Variants in SNX5 observed in about 807,000 individuals in gnomAD.
The protein encoded by SNX5 is sorting nexin-5.
SNX5 carries 31 observed loss-of-function variants against 53.9 expected under a neutral mutation model. That is an observed-to-expected ratio of 0.58 (90% confidence interval 0.43 to 0.78). SNX5 has a LOEUF of 0.78. Ranked by LOEUF, SNX5 falls within the 30% of genes least tolerant of loss-of-function variation. SNX5 has a pLI of 0.00. For missense variants in SNX5, 471 were observed against 478.8 expected (o/e 0.98, Z 0.15); for synonymous variants, 168 against 171.1 (o/e 0.98, Z 0.14).
intron 1 of SNX5, among the ~76,000 whole-genome samples, chr20:17,967,353 A>G (rs1159407447): frequency 3.3e-5 from 5 of 151,472 alleles, no homozygotes; most frequent in Non-Finnish European, 1.5e-5. Flanking sequence ...CAAAAAAAAA[A>G]CCACTCTAAA....
intron 1 of SNX5, chr20:17,962,039 G>T (rs868686327): frequency 1.1e-6 from 1 of 947,686 alleles, no homozygotes; most frequent in Middle Eastern, 5.4e-4. Flanking sequence ...GAACTCTCAG[G>T]AAACAATGTT....
intron 11 of SNX5, among the ~76,000 whole-genome samples, chr20:17,946,076 G>C (rs1298094421): frequency 6.6e-6 from 1 of 152,126 alleles, no homozygotes; most frequent in East Asian, 1.9e-4. Context: ...AATCCTCTTA[G>C]GTAAGGACTA....
chr20:17,948,894 G>A lies in SNX5; in HGVS notation c.914C>T (p.Ala305Val). The A allele has an allele frequency of 1.9e-6, 3 of 1,611,574 alleles. No individual in the cohort carries two copies. Among genetic ancestry groups the A allele is most frequent in the Non-Finnish European group, 2.5e-6 (3 of 1,179,442 alleles). ...GCTGAGCAACTCTCTTCCTACCTTA[G>A]CAGCTTCAATGTTGAGCATGTAGTA... is the stretch of plus-strand genomic sequence containing the variant. ...LRYYMLNIEA[A>V]KDLLYRRTKA... Residue 305 changes from alanine to valine, a missense_variant, in exon 10 of 13, where the codon GCT becomes GTT. Physicochemically the swap from Ala to Val is moderately conservative, Grantham distance 64. Transcript: ENST00000377759.
chr20:17,956,697 A>AAAAAAAC (rs2035365684), intron 2 of SNX5, among the ~76,000 whole-genome samples: 6 of 126,552 alleles, frequency 4.7e-5, no homozygotes, highest in African/African-American at 1.4e-4. Context: ...AAAAAAAAAA[A>AAAAAAAC]AAAAAAACAA....
rs2122459034 is a variant in SNX5, at chr20:17,968,690, T to C, written c.-265A>G. 1 of 561,464 alleles carries C rather than the reference T, an allele frequency of 1.8e-6. No homozygotes were observed. The highest frequency in any genetic ancestry group is 2.7e-5 in the Admixed American group (1 of 36,742). The allele number at this position is 561,464 out of a possible 1,614,324, so 34.8% of individuals were successfully genotyped here. On this transcript the variant is annotated 5_prime_UTR_variant, in exon 1 of 13. Transcript: ENST00000377759. ...CTTGGAGCCGGGCAAAGACGCCACG[T>C]GGGGCCTACCCTTGCTCCGCTCCAC...
intron 11 of SNX5, among the ~76,000 whole-genome samples, chr20:17,946,392 A>G (rs2039488176): frequency 6.6e-6 from 1 of 152,248 alleles, no homozygotes; most frequent in Admixed American, 6.5e-5. Flanking sequence ...AGCAGAGAGT[A>G]AGATTAGCAT....
At chr20:17,957,763 T>C (rs546697671) in intron 1 of SNX5, among the ~76,000 whole-genome samples, 1 of 152,194 alleles carries the variant, frequency 6.6e-6, no homozygotes, top group East Asian at 1.9e-4. Context: ...AGAACAGTCA[T>C]GTGGAATAGG....
chr20:17,946,160 G>T (rs182555798), intron 11 of SNX5, among the ~76,000 whole-genome samples: 8 of 152,338 alleles, frequency 5.3e-5, no homozygotes, highest in African/African-American at 1.9e-4. Context: ...AGGCAAGAAA[G>T]AACCCTATGG....
At chr20:17,965,007 C>A (rs1568598855) in intron 1 of SNX5, among the ~76,000 whole-genome samples, 1 of 152,194 alleles carries the variant, frequency 6.6e-6, no homozygotes, top group African/African-American at 2.4e-5. Flanking sequence ...AAGCTTTATT[C>A]TCACAAAGAT....
intron 1 of SNX5, chr20:17,961,288 G>C: frequency 1.0e-6 from 1 of 985,338 alleles, no homozygotes; most frequent in Non-Finnish European, 1.2e-6. Context: ...CTCTTCAAAA[G>C]GTTTAATGGC....
chr20:17,955,425 A>G lies in SNX5; in HGVS notation c.207T>C (p.His69=), dbSNP rs747739246. The part of the protein sequence containing the change: ...QSPEFSVTRQ[H]EDFVWLHDTL... ...TGTCATGTAGCCACACAAAGTCTTC[A>G]TGTTGCCTTGTAACAGAAAACTCTG... Residue 69 remains histidine, a synonymous_variant, in exon 3 of 13, where the codon CAT becomes CAC. Coordinates refer to ENST00000377759, the MANE Select transcript of SNX5 (RefSeq NM_014426.4). The G allele has an allele frequency of 1.2e-6, 2 of 1,614,068 alleles. No individual in the cohort carries two copies. The highest frequency in any genetic ancestry group is 2.7e-5 in the African/African-American group (2 of 74,938).
In SNX5 at chr20:17,957,047, A is replaced by AT. The variant is rs750637670; in HGVS notation, c.52-11dup. On this transcript the variant is annotated splice_polypyrimidine_tract_variant and intron_variant, in intron 1 of 12. Coordinates refer to ENST00000377759, the MANE Select transcript of SNX5 (RefSeq NM_014426.4). ...CAGATACAGATCTCAGCTGAAATAC[A>AT]TTTTTTGCGTATTAGTTTCAAACTC... 17 of 1,502,310 alleles carry AT rather than the reference A, an allele frequency of 1.1e-5. No individual in the cohort carries two copies. The highest frequency in any genetic ancestry group is 1.1e-5 in the Non-Finnish European group (12 of 1,078,032). 93.1% of individuals were successfully genotyped at this position (1,502,310 alleles called of 1,614,324 possible).
intron 8 of SNX5, 34 bp from the exon 9 acceptor site, chr20:17,949,137 T>C (rs753694716): frequency 6.4e-7 from 1 of 1,564,210 alleles, no homozygotes; most frequent in Middle Eastern, 1.9e-4. Context: ...GTTTAAGGTC[T>C]TAAATCATCT....
intron 1 of SNX5, among the ~76,000 whole-genome samples, chr20:17,967,189 A>G (rs754624940): frequency 1.4e-4 from 21 of 152,196 alleles, no homozygotes; most frequent in Non-Finnish European, 2.6e-4. Flanking sequence ...CCGAATCAAG[A>G]CAGCTAAAAG....
At chr20:17,959,897 G>A (rs1006308218) in intron 1 of SNX5, among the ~76,000 whole-genome samples, 2 of 152,186 alleles carry the variant, frequency 1.3e-5, no homozygotes, top group Admixed American at 1.3e-4. Context: ...CCTCTCACTT[G>A]CCTCTGCCTC....
At chr20:17,951,898 CA>C (rs1337200542) in intron 5 of SNX5, among the ~76,000 whole-genome samples, 6 of 152,092 alleles carry the variant, frequency 3.9e-5, no homozygotes, top group African/African-American at 1.4e-4. Context: ...TAGCAAAAAC[CA>C]AAACATGTTA....
chr20:17,956,673 C>CAAAAAAAA lies in SNX5; in HGVS notation c.156+252_156+259dup, dbSNP rs59252584. ...CTGGGCAACACAATGAGACTGTCTC[C>CAAAAAAAA]AAAAAAAAAAAAAAAAAAAAAAAAA... On this transcript the variant is annotated intron_variant, in intron 2 of 12. Transcript: ENST00000377759. Among the ~76,000 whole-genome samples, 552 of 84,736 alleles carry CAAAAAAAA rather than the reference C, an allele frequency of 6.5e-3. 5 individuals carry two copies. Among genetic ancestry groups the CAAAAAAAA allele is most frequent in the Non-Finnish European group, 9.1e-3 (412 of 45,460 alleles). The allele number at this position is 84,736 out of a possible 152,430, so 55.6% of individuals were successfully genotyped here.
At chr20:17,965,177 G>C (rs1390979253) in intron 1 of SNX5, among the ~76,000 whole-genome samples, 1 of 152,188 alleles carries the variant, frequency 6.6e-6, no homozygotes, top group Non-Finnish European at 1.5e-5. Context: ...TTAAACCAGT[G>C]ATTCTCAAAC....
At chr20:17,968,145 G>A (rs956200437) in intron 1 of SNX5, 4 of 401,442 alleles carry the variant, frequency 1.0e-5, no homozygotes, top group Non-Finnish European at 8.7e-6. Context: ...TGGGGCTAAG[G>A]TCCCGCGTCT....
Sources: gnomAD v4.1 joint callset for allele counts (sites outside exome capture counted in the v4.1 genomes callset) on GRCh38, gnomAD v4.1.1 for gene constraint, MANE v1.5 for transcripts, NCBI Gene and HGNC (gene_info 2026-07-23, HGNC 2026-07-21) for gene names.